Variants in RAB19 observed in about 807,000 individuals in gnomAD.
RAB19 encodes the protein ras-related protein Rab-19.
RAB19 carries 21 observed loss-of-function variants against 17.3 expected under a neutral mutation model. That is an observed-to-expected ratio of 1.21 (90% confidence interval 0.86 to 1.74). The LOEUF (loss-of-function observed/expected upper bound fraction) is 1.74. RAB19 is among the 40% of genes most tolerant of loss of function. The pLI is 0.00. For synonymous variants in RAB19, 126 were observed against 110.4 expected (o/e 1.14, Z -0.88); for missense variants, 277 against 286.8 (o/e 0.97, Z 0.25).
At chr7:140,410,263 G>C (rs1799329554) in intron 2 of RAB19, among the ~76,000 whole-genome samples, 1 of 149,578 alleles carries the variant, frequency 6.7e-6, no homozygotes, top group Non-Finnish European at 1.5e-5. Flanking sequence ...CTCCCAAGTA[G>C]CTGGGACTAC....
chr7:140,404,892 G>A (rs1458507734), intron 1 of RAB19, among the ~76,000 whole-genome samples: 2 of 152,196 alleles, frequency 1.3e-5, no homozygotes, highest in Admixed American at 6.5e-5. Context: ...AATGTGATGT[G>A]TCTTGGCAGA....
At chr7:140,425,638 C>T (rs1201284712) in intron 3 of RAB19, among the ~76,000 whole-genome samples, 4 of 151,794 alleles carry the variant, frequency 2.6e-5, no homozygotes, top group Non-Finnish European at 2.9e-5. Flanking sequence ...GCAGGAGAAT[C>T]GCTTGAACCT....
At position 140,426,054 on chromosome 7, in the gene RAB19, C is replaced by T. The variant is rs1451888842; in HGVS notation, c.558C>T (p.His186=). 6 of 1,614,038 alleles carry T rather than the reference C, an allele frequency of 3.7e-6. No homozygotes were observed. Among genetic ancestry groups the T allele is most frequent in the Non-Finnish European group, 4.2e-6 (5 of 1,180,048 alleles). The change falls in exon 4 of 4, where the codon CAC becomes CAT. Residue 186 remains histidine, a synonymous_variant. Coordinates refer to ENST00000537763, the MANE Select transcript of RAB19 (RefSeq NM_001008749.3). ...AGCTGATCGCGCGCAACAGCCTGCA[C>T]CTATATGGGGAGAGTGCCCTGAACG... is the stretch of plus-strand genomic sequence containing the variant. ...AKELIARNSL[H]LYGESALNGL... is the part of the protein sequence containing the mutation.
chr7:140,426,141 C>A lies in RAB19; in HGVS notation c.645C>A (p.Cys215Ter). ...AGGGTCCAAGTGAAAAGACCCACTG[C>A]ACTTGCTAAGATGTTTGCAAAGCCA... ...MAQGPSEKTH[C>*]TC The change falls in exon 4 of 4, where the codon TGC (cysteine) becomes TGA (stop). Residue 215 changes from cysteine (C) to a stop codon, truncating the protein, a stop_gained. Coordinates refer to ENST00000537763, the MANE Select transcript of RAB19 (RefSeq NM_001008749.3). LOFTEE classifies it high-confidence loss of function. 6.2e-7 allele frequency: 1 copy of A among 1,613,058 alleles called. No individual in the cohort carries two copies. The highest frequency in any genetic ancestry group is 8.5e-7 in the Non-Finnish European group (1 of 1,179,532).
chr7:140,412,056 T>C lies in RAB19; in HGVS notation c.384T>C (p.Ile128=), dbSNP rs141708172. Residue 128 remains isoleucine, a splice_region_variant and synonymous_variant, in exon 3 of 4, where the codon ATT becomes ATC. Coordinates refer to ENST00000537763, the MANE Select transcript of RAB19 (RefSeq NM_001008749.3). ...CTGCAAATGTGGTCATTATGCTGAT[T>C]GGTATGGCATTTTTGAAGTTTTTAA... is the stretch of plus-strand genomic sequence containing the variant. ...YGAANVVIML[I]GNKCDLWEKR... 6.3e-5 allele frequency: 102 copies of C among 1,609,344 alleles called. No individual in the cohort carries two copies. The African/African-American group carries it at 1.3e-3, about 20-fold the overall frequency.
chr7:140,423,449 A>AAC (rs990760869), intron 3 of RAB19, among the ~76,000 whole-genome samples: 2 of 152,114 alleles, frequency 1.3e-5, no homozygotes, highest in African/African-American at 4.8e-5. Context: ...CAAAAAAAAA[A>AAC]AAAACACAAA....
In RAB19 at chr7:140,416,576, TGTG is replaced by T. The variant is rs1296090592; in HGVS notation, c.385+4520_385+4522del. Among the ~76,000 whole-genome samples the T allele has an allele frequency of 1.3e-4, 20 of 152,260 alleles. No homozygotes were observed. The East Asian group carries it at 1.5e-3, about 12-fold the overall frequency. On this transcript the variant is annotated intron_variant, in intron 3 of 3. Transcript: ENST00000537763. The stretch of plus-strand genomic sequence containing the variant: ...ATTCTTGTCTGGCCATTTAATGTTC[TGTG>T]TGTCTGTCTTGCCTCCCTAACAAAA...
At chr7:140,416,519 T>C (rs1799460685) in intron 3 of RAB19, among the ~76,000 whole-genome samples, 2 of 152,072 alleles carry the variant, frequency 1.3e-5, no homozygotes, top group Admixed American at 6.6e-5. Context: ...GTCCATAGCA[T>C]ATGTTATTTT....
At chr7:140,410,071 C>A (rs1482636730) in intron 2 of RAB19, among the ~76,000 whole-genome samples, 1 of 150,360 alleles carries the variant, frequency 6.7e-6, no homozygotes, top group East Asian at 1.9e-4. Flanking sequence ...ACAGAAAGGG[C>A]TAGATGAAGC....
rs1458384548 is a variant in RAB19 at position 140,421,023 on chromosome 7, G to T, written c.386-4859G>T. Among the ~76,000 whole-genome samples the T allele has an allele frequency of 2.6e-5, 4 of 151,764 alleles. No homozygotes were observed. The East Asian group carries it at 7.7e-4, about 29-fold the overall frequency. On this transcript the variant is annotated intron_variant, in intron 3 of 3. Transcript: ENST00000537763. ...TTCTCCTGCCTCAGCCTCCTGAGTA[G>T]CTGGGATTATAGGCGCCCACCACCA...
At chr7:140,416,076 C>T (rs1799452224) in intron 3 of RAB19, among the ~76,000 whole-genome samples, 1 of 151,918 alleles carries the variant, frequency 6.6e-6, no homozygotes, top group African/African-American at 2.4e-5. Flanking sequence ...GGTGCAGTGG[C>T]TCACGTCTGT....
intron 3 of RAB19, among the ~76,000 whole-genome samples, chr7:140,413,938 C>A (rs1475343825): frequency 6.6e-6 from 1 of 152,110 alleles, no homozygotes; most frequent in African/African-American, 2.4e-5. Flanking sequence ...GAATGTGGAC[C>A]AGATCCACCT....
intron 3 of RAB19, among the ~76,000 whole-genome samples, chr7:140,416,088 A>G (rs1051623255): frequency 2.0e-5 from 3 of 151,992 alleles, no homozygotes; most frequent in African/African-American, 7.3e-5. Flanking sequence ...CACGTCTGTA[A>G]TCCTAGCACT....
intron 1 of RAB19, among the ~76,000 whole-genome samples, chr7:140,405,714 C>T (rs544911753): frequency 6.7e-6 from 1 of 150,046 alleles, no homozygotes; most frequent in African/African-American, 2.5e-5. Flanking sequence ...ACACAAAACA[C>T]AAAACCTGGC....
At chr7:140,418,009 T>A (rs12667917) in intron 3 of RAB19, among the ~76,000 whole-genome samples, 1 of 151,976 alleles carries the variant, frequency 6.6e-6, no homozygotes, top group African/African-American at 2.4e-5. Flanking sequence ...CTGGTCTCCA[T>A]GGGCCCCCGT....
intron 1 of RAB19, among the ~76,000 whole-genome samples, chr7:140,405,791 A>G (rs1473381496): frequency 4.2e-5 from 1 of 24,064 alleles, no homozygotes; most frequent in Non-Finnish European, 7.2e-5. Flanking sequence ...TCTGTCTCAA[A>G]AAAAAAAAAA....
In RAB19 at chr7:140,412,030, G is replaced by C. The variant is rs986158378; in HGVS notation, c.358G>C (p.Ala120Pro). 5 of 1,613,012 alleles carry C rather than the reference G, an allele frequency of 3.1e-6. No homozygotes were observed. The highest frequency in any genetic ancestry group is 4.2e-6 in the Non-Finnish European group (5 of 1,180,040). ...GATTCATGAGATAGAGAAATATGGA[G>C]CTGCAAATGTGGTCATTATGCTGAT... ...HWIHEIEKYG[A>P]ANVVIMLIGN... is the part of the protein sequence containing the mutation. The change falls in exon 3 of 4, where the codon GCT becomes CCT. Residue 120 changes from alanine (A) to proline (P), a missense_variant. Physicochemically the swap from Ala to Pro is conservative, Grantham distance 27. Coordinates refer to ENST00000537763, the MANE Select transcript of RAB19 (RefSeq NM_001008749.3).
chr7:140,412,293 TACAAAAAAATTAG>T (rs1314119938), intron 3 of RAB19, among the ~76,000 whole-genome samples: 20 of 151,922 alleles, frequency 1.3e-4, no homozygotes, highest in Middle Eastern at 3.4e-3. Context: ...CTACTAAAAA[TACAAAAAAATTAG>T]ACAGGCGTAG....
intron 3 of RAB19, among the ~76,000 whole-genome samples, chr7:140,419,012 C>T (rs1799512251): frequency 6.6e-6 from 1 of 151,642 alleles, no homozygotes; most frequent in African/African-American, 2.4e-5. Context: ...CCTAAGCCCA[C>T]ATCCCTAAAT....
Sources: gnomAD v4.1 joint callset for allele counts (sites outside exome capture counted in the v4.1 genomes callset) on GRCh38, gnomAD v4.1.1 for gene constraint, MANE v1.5 for transcripts, NCBI Gene and HGNC (gene_info 2026-07-23, HGNC 2026-07-21) for gene names.